The following NAALADL2 variants were observed in gnomAD, a reference collection of about 807,000 sequenced individuals.
NAALADL2 encodes the protein N-acetylated alpha-linked acidic dipeptidase like 2.
A neutral mutation model predicts 87.2 loss-of-function variants in NAALADL2; 76 were observed. The ratio of observed to expected loss-of-function variants is 0.87; its 90% CI spans 0.72 to 1.05. The LOEUF (loss-of-function observed/expected upper bound fraction) is 1.05, where lower values mean the gene tolerates loss of function less well. NAALADL2 is among the 50% of genes least tolerant of loss of function. The probability of loss-of-function intolerance (pLI) is 0.00; values close to 1 mark genes in which losing one functional copy is unlikely to be tolerated. For synonymous variants in NAALADL2, 354 were observed against 331.0 expected (o/e 1.07, Z -0.75); for missense variants, 1,089 against 945.8 (o/e 1.15, Z -1.99).
At chr3:175,177,131 G>T (rs1178897153) in intron 2 of NAALADL2, among the ~76,000 whole-genome samples, 1 of 152,000 alleles carries the variant, frequency 6.6e-6, no homozygotes, top group East Asian at 1.9e-4. Flanking sequence ...CCTAGCACAA[G>T]CATCTTATCC....
chr3:175,381,544 AAGTG>A (rs1767784890), intron 5 of NAALADL2, among the ~76,000 whole-genome samples: 2 of 152,118 alleles, frequency 1.3e-5, no homozygotes, highest in African/African-American at 4.8e-5. Flanking sequence ...AATATGTTTT[AAGTG>A]CTCTTTTTAC....
intron 1 of NAALADL2, among the ~76,000 whole-genome samples, chr3:174,506,568 C>T (rs1307461921): frequency 1.3e-5 from 2 of 151,884 alleles, no homozygotes; most frequent in African/African-American, 2.4e-5. Context: ...AGTTTTTCAC[C>T]ATATAAATAA....
intron 5 of NAALADL2, among the ~76,000 whole-genome samples, chr3:175,358,339 G>C (rs1411894206): frequency 6.6e-6 from 1 of 151,828 alleles, no homozygotes; most frequent in Non-Finnish European, 1.5e-5. Flanking sequence ...TAGTATTTTG[G>C]ATTTTTCATT....
At chr3:175,258,627 A>G (rs2109863795) in intron 4 of NAALADL2, among the ~76,000 whole-genome samples, 1 of 152,168 alleles carries the variant, frequency 6.6e-6, no homozygotes, top group African/African-American at 2.4e-5. Context: ...AAAGGTTTGG[A>G]GATTGTGGGG....
intron 11 of NAALADL2, among the ~76,000 whole-genome samples, chr3:175,657,281 C>G (rs1731601182): frequency 6.6e-6 from 1 of 152,010 alleles, no homozygotes; most frequent in Non-Finnish European, 1.5e-5. Flanking sequence ...AAAATGAAGT[C>G]TTAAAAAACT....
At chr3:175,607,909 A>G (rs1024999545) in intron 10 of NAALADL2, among the ~76,000 whole-genome samples, 3 of 40,110 alleles carry the variant, frequency 7.5e-5, no homozygotes, top group Non-Finnish European at 1.6e-4. Context: ...ACACACACAC[A>G]CACGCACACA....
At chr3:174,739,535 G>A (rs533481518) in intron 3 of NAALADL2, among the ~76,000 whole-genome samples, 1 of 152,144 alleles carries the variant, frequency 6.6e-6, no homozygotes, top group Non-Finnish European at 1.5e-5. Flanking sequence ...TATGTAGACA[G>A]ATTTGAGTTA....
chr3:174,630,231 C>G (rs1214684085), intron 2 of NAALADL2, among the ~76,000 whole-genome samples: 1 of 151,936 alleles, frequency 6.6e-6, no homozygotes, highest in East Asian at 1.9e-4. Context: ...TTTTGACTTT[C>G]TTTGAAGTCA....
At chr3:175,319,768 C>T (rs976488680) in intron 4 of NAALADL2, among the ~76,000 whole-genome samples, 68 of 152,158 alleles carry the variant, frequency 4.5e-4, no homozygotes, top group Middle Eastern at 3.4e-3. Flanking sequence ...TGTGGTGAGT[C>T]GAGATTGCAC....
chr3:175,616,652 CT>C (rs1171521331), intron 10 of NAALADL2, among the ~76,000 whole-genome samples: 2 of 152,104 alleles, frequency 1.3e-5, no homozygotes, highest in African/African-American at 4.8e-5. Flanking sequence ...CTGGGGACCC[CT>C]GGGCTTGCTC....
chr3:175,749,957 A>G (rs1746425267), intron 12 of NAALADL2, among the ~76,000 whole-genome samples: 1 of 152,172 alleles, frequency 6.6e-6, no homozygotes, highest in Non-Finnish European at 1.5e-5. Flanking sequence ...AAGGAATAAG[A>G]TTTCTGGGAA....
intron 10 of NAALADL2, among the ~76,000 whole-genome samples, chr3:175,607,757 A>G (rs1285905586): frequency 6.6e-6 from 1 of 152,118 alleles, no homozygotes; most frequent in African/African-American, 2.4e-5. Context: ...GTGAAAATGT[A>G]TCTTTTAAGA....
At chr3:175,528,940 CCTT>C (rs1344656588) in intron 9 of NAALADL2, among the ~76,000 whole-genome samples, 1 of 152,280 alleles carries the variant, frequency 6.6e-6, no homozygotes, top group East Asian at 1.9e-4. Context: ...TTGATGACTA[CCTT>C]CTTCTACTAC....
At chr3:174,779,067 A>G (rs1235741254) in intron 3 of NAALADL2, among the ~76,000 whole-genome samples, 1 of 152,180 alleles carries the variant, frequency 6.6e-6, no homozygotes, top group Non-Finnish European at 1.5e-5. Context: ...GTCTTCCACA[A>G]TGGTTGAACT....
intron 5 of NAALADL2, among the ~76,000 whole-genome samples, chr3:175,401,052 A>G (rs1395958102): frequency 1.3e-5 from 2 of 152,126 alleles, no homozygotes; most frequent in Non-Finnish European, 2.9e-5. Flanking sequence ...CAGCTCTTGA[A>G]TCTTCTTTAA....
intron 4 of NAALADL2, among the ~76,000 whole-genome samples, chr3:175,303,113 A>T (rs965662273): frequency 4.6e-5 from 7 of 152,122 alleles, no homozygotes; most frequent in African/African-American, 1.7e-4. Flanking sequence ...CATGACTGAA[A>T]AGACATGAGA....
At chr3:174,781,106 C>T (rs1247426683) in intron 3 of NAALADL2, among the ~76,000 whole-genome samples, 2 of 151,908 alleles carry the variant, frequency 1.3e-5, no homozygotes, top group East Asian at 3.9e-4. Flanking sequence ...GAATATTGGC[C>T]CCCACTCTCT....
At chr3:174,447,245 C>G (rs1715126141) in intron 1 of NAALADL2, among the ~76,000 whole-genome samples, 1 of 151,952 alleles carries the variant, frequency 6.6e-6, no homozygotes, top group Non-Finnish European at 1.5e-5. Context: ...CCAAAGAGAC[C>G]CTAGTCTCTA....
At chr3:175,034,492 G>C (rs1580125794) in intron 1 of NAALADL2, among the ~76,000 whole-genome samples, 1 of 152,140 alleles carries the variant, frequency 6.6e-6, no homozygotes, top group East Asian at 1.9e-4. Flanking sequence ...CACATGGCCA[G>C]GTCCCTTATT....
Sources: gnomAD v4.1 joint callset for allele counts (sites outside exome capture counted in the v4.1 genomes callset) on GRCh38, gnomAD v4.1.1 for gene constraint, MANE v1.5 for transcripts, NCBI Gene and HGNC (gene_info 2026-07-23, HGNC 2026-07-21) for gene names.